The following TXNDC16 variants were observed in gnomAD, a reference collection of about 807,000 sequenced individuals.
TXNDC16 encodes thioredoxin domain-containing protein 16.
Under a neutral mutation model 85.6 loss-of-function variants are expected in TXNDC16, and 74 were observed. The observed-to-expected ratio is 0.86, with a 90% CI of 0.72 to 1.05. The LOEUF is 1.05. TXNDC16 is among the 50% of genes least tolerant of loss of function. TXNDC16 has a pLI of 0.00. For missense variants in TXNDC16, 959 were observed against 947.0 expected (o/e 1.01, Z -0.17); for synonymous variants, 335 against 326.5 (o/e 1.03, Z -0.28).
rs1446451762 is a variant in TXNDC16, at chr14:52,430,680, C to T, written c.*1624G>A. The T allele has an allele frequency of 6.6e-6, 1 of 152,188 alleles. No individual in the cohort carries two copies. Among genetic ancestry groups the T allele is most frequent in the East Asian group, 1.9e-4 (1 of 5,200 alleles). 9.4% of individuals were successfully genotyped at this position (152,188 alleles called of 1,614,324 possible). A position where few individuals can be genotyped will look rare whatever the true frequency, so the allele number is the denominator to read the frequency against. On this transcript the variant is annotated 3_prime_UTR_variant, in exon 21 of 21. Coordinates refer to ENST00000281741, the MANE Select transcript of TXNDC16 (RefSeq NM_020784.3). Reference sequence around the variant, plus strand: ...TGCTGACAAAGGTACAATGACTAAGCAATTTCATGTTTCTATGTGCTGGTA... The same window carrying T: ...TGCTGACAAAGGTACAATGACTAAGTAATTTCATGTTTCTATGTGCTGGTA...
At chr14:52,530,258 T>TATAATATATAATATATATTATTATATA (rs2037481464) in intron 6 of TXNDC16, among the ~76,000 whole-genome samples, 4 of 59,426 alleles carry the variant, frequency 6.7e-5, no homozygotes, top group Admixed American at 3.3e-4. Flanking sequence ...ATATATATTA[T>TATAATATATAATATATATTATTATATA]ATAATATATA....
intron 14 of TXNDC16, among the ~76,000 whole-genome samples, chr14:52,477,355 A>G (rs1236799620): frequency 6.6e-6 from 1 of 152,242 alleles, no homozygotes; most frequent in Non-Finnish European, 1.5e-5. Context: ...AATGGCCTAA[A>G]TGCTCCACTT....
At chr14:52,517,147 T>C (rs1221007468) in intron 7 of TXNDC16, among the ~76,000 whole-genome samples, 5 of 152,074 alleles carry the variant, frequency 3.3e-5, no homozygotes, top group African/African-American at 1.2e-4. Flanking sequence ...CTACAATCCA[T>C]AGGTCCTCCC....
chr14:52,495,193 CT>C (rs2036502301), intron 9 of TXNDC16, among the ~76,000 whole-genome samples: 1 of 152,186 alleles, frequency 6.6e-6, no homozygotes, highest in Non-Finnish European at 1.5e-5. Context: ...CATTAGTAGG[CT>C]ATTTCAACTG....
rs747815361 is a variant in TXNDC16 at position 52,537,624 on chromosome 14, CCTTTT to C, written c.287_291del (p.Glu96GlyfsTer20). On this transcript the variant is annotated frameshift_variant, in exon 5 of 21. Coordinates refer to ENST00000281741, the MANE Select transcript of TXNDC16 (RefSeq NM_020784.3). LOFTEE classifies it high-confidence loss of function. The stretch of plus-strand genomic sequence containing the variant: ...TTGAATAAATATGCTTTCATCAAAT[CCTTTT>C]CTTTTCCACAGTATCTTGATATTTC... The C allele has an allele frequency of 1.2e-5, 19 of 1,591,694 alleles. No homozygotes were observed. The highest frequency in any genetic ancestry group is 1.6e-5 in the Non-Finnish European group (19 of 1,161,656).
At chr14:52,482,371 T>A (rs1317539239) in intron 13 of TXNDC16, 82 bp from the exon 14 acceptor site, 2 of 1,197,038 alleles carry the variant, frequency 1.7e-6, no homozygotes, top group Non-Finnish European at 2.4e-6. Flanking sequence ...ATATACAGAT[T>A]TATGAGGTTT....
intron 9 of TXNDC16, among the ~76,000 whole-genome samples, chr14:52,497,247 C>G (rs1012427293): frequency 5.3e-5 from 8 of 152,134 alleles, no homozygotes; most frequent in African/African-American, 1.9e-4. Context: ...GAAATAAATT[C>G]TTAGAGACAT....
At chr14:52,511,043 C>T (rs2036941584) in intron 9 of TXNDC16, among the ~76,000 whole-genome samples, 197 bp downstream of exon 9, 1 of 151,940 alleles carries the variant, frequency 6.6e-6, no homozygotes, top group Non-Finnish European at 1.5e-5. Context: ...AGTCTATCTT[C>T]TATTCTACCT....
chr14:52,540,197 T>C (rs991473104), intron 4 of TXNDC16, among the ~76,000 whole-genome samples: 14 of 152,246 alleles, frequency 9.2e-5, no homozygotes, highest in African/African-American at 2.9e-4. Flanking sequence ...GTAGCCCATT[T>C]ATATTTTAGC....
chr14:52,525,725 AT>A (rs1387681327), intron 6 of TXNDC16, among the ~76,000 whole-genome samples: 23 of 146,526 alleles, frequency 1.6e-4, no homozygotes, highest in Non-Finnish European at 1.0e-4. Context: ...AATAATAATA[AT>A]AATAATAATA....
chr14:52,546,565 A>G (rs1566592600), intron 1 of TXNDC16, among the ~76,000 whole-genome samples: 1 of 152,198 alleles, frequency 6.6e-6, no homozygotes, highest in Admixed American at 6.5e-5. Context: ...AGTTAGTGTT[A>G]ATAAAGCCAG....
chr14:52,538,961 A>T (rs576277459), intron 4 of TXNDC16, among the ~76,000 whole-genome samples: 8 of 152,346 alleles, frequency 5.3e-5, no homozygotes, highest in African/African-American at 9.6e-5. Context: ...ATGTAATTTT[A>T]AAAATTTTTT....
intron 18 of TXNDC16, among the ~76,000 whole-genome samples, chr14:52,444,348 C>T (rs1167660896): frequency 1.3e-5 from 2 of 152,074 alleles, no homozygotes; most frequent in East Asian, 3.9e-4. Context: ...TATATCAATG[C>T]TTATGTAGTT....
chr14:52,449,682 T>C (rs1441754720), intron 18 of TXNDC16, among the ~76,000 whole-genome samples: 1 of 152,120 alleles, frequency 6.6e-6, no homozygotes, highest in Admixed American at 6.5e-5. Flanking sequence ...TTGTCAAGGA[T>C]AGACTTTAGG....
intron 9 of TXNDC16, among the ~76,000 whole-genome samples, chr14:52,506,043 T>C (rs984190877): frequency 6.6e-6 from 1 of 152,220 alleles, no homozygotes; most frequent in African/African-American, 2.4e-5. Flanking sequence ...AATCTCTGAA[T>C]AGACCAATAA....
chr14:52,496,512 T>C (rs2036537082), intron 9 of TXNDC16, among the ~76,000 whole-genome samples: 1 of 151,528 alleles, frequency 6.6e-6, no homozygotes, highest in African/African-American at 2.4e-5. Flanking sequence ...AAAGTACATA[T>C]ATCATTTTGT....
intron 17 of TXNDC16, 85 bp downstream of exon 17, chr14:52,457,005 C>T: frequency 1.1e-6 from 1 of 952,150 alleles, no homozygotes. Context: ...TTTCCTCCAT[C>T]AGCTGTGTAA....
intron 9 of TXNDC16, among the ~76,000 whole-genome samples, chr14:52,504,924 G>T (rs1341547328): frequency 1.3e-5 from 2 of 152,142 alleles, no homozygotes; most frequent in Non-Finnish European, 2.9e-5. Context: ...TGCAATCCTA[G>T]ACTCTGATAA....
At chr14:52,542,316 A>G (rs979730339) in intron 4 of TXNDC16, 55 bp downstream of exon 4, 14 of 1,167,592 alleles carry the variant, frequency 1.2e-5, no homozygotes, top group Admixed American at 4.2e-5. Context: ...ATCTTAAGCC[A>G]TAAAGTTGTA....
Sources: allele counts gnomAD v4.1 joint callset (sites outside exome capture counted in the v4.1 genomes callset), GRCh38; gene constraint gnomAD v4.1.1; transcripts MANE v1.5; gene names NCBI Gene and HGNC (gene_info 2026-07-23, HGNC 2026-07-21).